Variants in OTUB2 observed in about 807,000 individuals in gnomAD.
The protein encoded by OTUB2 is ubiquitin thioesterase OTUB2.
A neutral mutation model predicts 25.1 loss-of-function variants in OTUB2; 21 were observed. The ratio of observed to expected loss-of-function variants is 0.84; its 90% CI spans 0.59 to 1.21. The LOEUF is 1.21. OTUB2 is among the 50% of genes most tolerant of loss of function. The pLI, the probability that OTUB2 is intolerant of heterozygous loss-of-function variation, is 0.00. For missense variants in OTUB2, 283 were observed against 298.0 expected (o/e 0.95, Z 0.37); for synonymous variants, 122 against 122.8 (o/e 0.99, Z 0.04).
At chr14:94,033,208 C>A (rs1423273199) in intron 1 of OTUB2, among the ~76,000 whole-genome samples, 2 of 152,116 alleles carry the variant, frequency 1.3e-5, no homozygotes, top group African/African-American at 4.8e-5. Flanking sequence ...CCGAGCCCGG[C>A]CCTATGTAAT....
intron 1 of OTUB2, among the ~76,000 whole-genome samples, chr14:94,036,273 G>A (rs1483939017): frequency 6.6e-6 from 1 of 152,038 alleles, no homozygotes; most frequent in Non-Finnish European, 1.5e-5. Flanking sequence ...CAACAATGAT[G>A]GTGATAAATG....
Position 94,036,646 on chromosome 14 carries a change from C to T in OTUB2, c.4-734C>T, listed in dbSNP as rs549651069. Among the ~76,000 whole-genome samples, 3 of 152,278 alleles carry T rather than the reference C, an allele frequency of 2.0e-5. No individual in the cohort carries two copies. In the South Asian group the frequency reaches 6.2e-4, roughly 32 times the overall value. ...CCTCCTCTCTGTCCGCCAATTTCTT[C>T]TCTGGCCTGGAGAGATCCTGCCTGT... On this transcript the variant is annotated intron_variant, in intron 1 of 5. Coordinates refer to ENST00000203664, the MANE Select transcript of OTUB2 (RefSeq NM_023112.4).
intron 3 of OTUB2, among the ~76,000 whole-genome samples, chr14:94,042,142 T>C (rs1885172940): frequency 6.6e-6 from 1 of 152,368 alleles, no homozygotes; most frequent in East Asian, 1.9e-4. Context: ...GAAGTACTTG[T>C]GTGTGCCAGA....
chr14:94,044,976 C>T (rs1885242343), intron 5 of OTUB2, among the ~76,000 whole-genome samples, 196 bp downstream of exon 5: 1 of 152,212 alleles, frequency 6.6e-6, no homozygotes, highest in South Asian at 2.1e-4. Flanking sequence ...AAGTCACTTC[C>T]CCTCTCTGGA....
Position 94,047,869 on chromosome 14 carries a change from C to G in OTUB2, c.*1947C>G, listed in dbSNP as rs760784762. On this transcript the variant is annotated 3_prime_UTR_variant, in exon 6 of 6. Transcript: ENST00000203664. ...TAGGAGACTTGCCTGTGCTGTGCTT[C>G]CAGGTCACAGAGCCCCCCGGAAACT... 6.6e-6 allele frequency: 1 copy of G among 152,224 alleles called. No individual in the cohort carries two copies. Among genetic ancestry groups the G allele is most frequent in the Non-Finnish European group, 1.5e-5 (1 of 68,066 alleles). 9.4% of individuals were successfully genotyped at this position (152,224 alleles called of 1,614,324 possible).
Position 94,045,870 on chromosome 14 carries a change from T to C in OTUB2, c.653T>C (p.Leu218Pro). 1 of 1,614,232 alleles carries C rather than the reference T, an allele frequency of 6.2e-7. No individual in the cohort carries two copies. The highest frequency in any genetic ancestry group is 1.6e-4 in the Middle Eastern group (1 of 6,062). Residue 218 changes from leucine to proline, a missense_variant, in exon 6 of 6, where the codon CTG becomes CCG. By Grantham distance (98) the Leu-to-Pro change is moderately conservative (BLOSUM62 -3). Transcript: ENST00000203664. ...GAGGCCGCCACCCCTTCCGTTTACCTGCTCTATAAAACATCCCACTACAAC... is the reference window on the plus strand; with the variant it reads ...GAGGCCGCCACCCCTTCCGTTTACCCGCTCTATAAAACATCCCACTACAAC... ...FPEAATPSVY[L>P]LYKTSHYNIL...
chr14:94,043,433 CCT>C (rs1224473834), intron 3 of OTUB2, among the ~76,000 whole-genome samples: 1 of 152,188 alleles, frequency 6.6e-6, no homozygotes, highest in Non-Finnish European at 1.5e-5. Flanking sequence ...TGCCATACCC[CCT>C]GAGGGCACCA....
intron 1 of OTUB2, among the ~76,000 whole-genome samples, chr14:94,032,043 C>G (rs752729712): frequency 1.3e-5 from 2 of 152,178 alleles, no homozygotes; most frequent in Non-Finnish European, 2.9e-5. Flanking sequence ...CTTCCGGGAG[C>G]TTGAGTCTCT....
chr14:94,037,903 A>G (rs1379575484), intron 2 of OTUB2, among the ~76,000 whole-genome samples: 4 of 152,228 alleles, frequency 2.6e-5, no homozygotes, highest in Non-Finnish European at 5.9e-5. Context: ...CTTGGAGGGA[A>G]AGTTTACGCC....
Position 94,026,513 on chromosome 14 carries a change from A to G in OTUB2, c.-25A>G. On this transcript the variant is annotated 5_prime_UTR_variant, in exon 1 of 6. Transcript: ENST00000203664. ...CCGGATCGCTCCTCGCTGGGGCGGGACCTGGCCTGGCGGCTCTGGTCACTA... is the reference window on the plus strand; with the variant it reads ...CCGGATCGCTCCTCGCTGGGGCGGGGCCTGGCCTGGCGGCTCTGGTCACTA... 1 of 1,284,638 alleles carries G rather than the reference A, an allele frequency of 7.8e-7. No individual in the cohort carries two copies. Among genetic ancestry groups the G allele is most frequent in the Non-Finnish European group, 9.9e-7 (1 of 1,009,766 alleles). The allele number at this position is 1,284,638 out of a possible 1,614,324, so 79.6% of individuals were successfully genotyped here.
chr14:94,029,991 C>A (rs1444426391), intron 1 of OTUB2, among the ~76,000 whole-genome samples: 1 of 152,190 alleles, frequency 6.6e-6, no homozygotes, highest in Non-Finnish European at 1.5e-5. Context: ...TGCAAAGGCC[C>A]TGGGGTGAGA....
At chr14:94,042,446 C>T (rs1469456927) in intron 3 of OTUB2, among the ~76,000 whole-genome samples, 2 of 134,840 alleles carry the variant, frequency 1.5e-5, no homozygotes, top group African/African-American at 5.6e-5. Flanking sequence ...GAGGGGCCCA[C>T]AAGTCACTGG....
chr14:94,026,636 G>C, intron 1 of OTUB2, 96 bp downstream of exon 1: 1 of 1,177,484 alleles, frequency 8.5e-7, no homozygotes, highest in Non-Finnish European at 1.1e-6. Context: ...ACGGGGGTCG[G>C]ACGCGAGGCT....
rs1278991044 is a variant in OTUB2, at chr14:94,047,563, G to A, written c.*1641G>A. 2.6e-5 allele frequency: 4 copies of A among 152,268 alleles called. No homozygotes were observed. Among genetic ancestry groups the A allele is most frequent in the South Asian group, 2.1e-4 (1 of 4,828 alleles). 9.4% of individuals were successfully genotyped at this position (152,268 alleles called of 1,614,324 possible). ...ATGGTCTATGAGAAGTACACTGGAAGCGTGGGGGGAACACATGACATGATT... is the reference window on the plus strand; with the variant it reads ...ATGGTCTATGAGAAGTACACTGGAAACGTGGGGGGAACACATGACATGATT... On this transcript the variant is annotated 3_prime_UTR_variant, in exon 6 of 6. Transcript: ENST00000203664.
At chr14:94,036,771 C>T (rs1885062755) in intron 1 of OTUB2, among the ~76,000 whole-genome samples, 1 of 152,164 alleles carries the variant, frequency 6.6e-6, no homozygotes, top group Non-Finnish European at 1.5e-5. Context: ...CCCTCCTGCC[C>T]TGTGCTCCCC....
chr14:94,028,168 G>A (rs889296606), intron 1 of OTUB2, among the ~76,000 whole-genome samples: 3 of 152,234 alleles, frequency 2.0e-5, no homozygotes, highest in East Asian at 1.9e-4. Flanking sequence ...GTGCCTTGGC[G>A]AAGGATGAAG....
chr14:94,044,552 T>C (rs757301592), intron 4 of OTUB2, 34 bp from the exon 5 acceptor site: 2 of 1,583,092 alleles, frequency 1.3e-6, no homozygotes, highest in South Asian at 1.1e-5. Context: ...TGGGGCTTGC[T>C]TGGCCTCCCT....
intron 1 of OTUB2, among the ~76,000 whole-genome samples, chr14:94,031,506 G>C (rs10136625): frequency 0.038 from 5,723 of 152,166 alleles, 317 homozygotes; most frequent in African/African-American, 0.12. Flanking sequence ...TCGGTACATG[G>C]ATTAGGGATG....
At chr14:94,038,449 T>A (rs1486199148) in intron 2 of OTUB2, among the ~76,000 whole-genome samples, 1 of 152,158 alleles carries the variant, frequency 6.6e-6, no homozygotes, top group Non-Finnish European at 1.5e-5. Flanking sequence ...AACCATCCTC[T>A]GCTGTCAAAA....
Sources: gnomAD v4.1 joint callset for allele counts (sites outside exome capture counted in the v4.1 genomes callset) on GRCh38, gnomAD v4.1.1 for gene constraint, MANE v1.5 for transcripts, NCBI Gene and HGNC (gene_info 2026-07-23, HGNC 2026-07-21) for gene names.